The following SCCPDH variants were observed in gnomAD, a reference collection of about 807,000 sequenced individuals.
SCCPDH encodes saccharopine dehydrogenase-like oxidoreductase.
In SCCPDH, 34 loss-of-function variants were observed where a neutral mutation model predicts 51.5. The observed-to-expected ratio is 0.66, with a 90% confidence interval of 0.50 to 0.88. The LOEUF (loss-of-function observed/expected upper bound fraction) is 0.88. SCCPDH is among the 40% of genes least tolerant of loss of function. SCCPDH has a pLI of 0.00. For missense variants in SCCPDH, 464 were observed against 527.1 expected, an observed-to-expected ratio of 0.88 and a Z score of 1.17; for synonymous variants, 187 against 191.3, an observed-to-expected ratio of 0.98 and a Z score of 0.19.
intron 4 of SCCPDH, among the ~76,000 whole-genome samples, chr1:246,741,900 C>G (rs1007586054): frequency 6.6e-6 from 1 of 152,064 alleles, no homozygotes; most frequent in African/African-American, 2.4e-5. Context: ...AACCTTGTCT[C>G]TACTAAAAAT....
chr1:246,762,018 G>A (rs761565010), intron 9 of SCCPDH, among the ~76,000 whole-genome samples: 7 of 152,178 alleles, frequency 4.6e-5, no homozygotes, highest in Admixed American at 2.0e-4. Context: ...AGCAGTATAC[G>A]AGAGTTCCAG....
At chr1:246,747,197 C>G (rs779818321) in intron 5 of SCCPDH, among the ~76,000 whole-genome samples, 2 of 152,066 alleles carry the variant, frequency 1.3e-5, no homozygotes, top group African/African-American at 2.4e-5. Flanking sequence ...TATGTAGGCT[C>G]CGGACAGAGC....
intron 3 of SCCPDH, among the ~76,000 whole-genome samples, chr1:246,737,116 T>G (rs1321675947): frequency 6.6e-6 from 1 of 152,044 alleles, no homozygotes; most frequent in East Asian, 1.9e-4. Context: ...CTGATTATCA[T>G]CATCAGCATG....
At chr1:246,757,095 G>C (rs1248143811) in intron 5 of SCCPDH, among the ~76,000 whole-genome samples, 1 of 152,208 alleles carries the variant, frequency 6.6e-6, no homozygotes. Context: ...TGCAATCCCA[G>C]CACTTTGGGA....
In SCCPDH at chr1:246,727,698, A is replaced by C. The variant is rs1345749093; in HGVS notation, c.303+694A>C. The stretch of plus-strand genomic sequence containing the variant: ...TCTGAATGAAATGAGAGCAAATTGC[A>C]TGAACCTTTTGAGGAGAGACTTTTC... On this transcript the variant is annotated intron_variant, in intron 2 of 11. Coordinates refer to ENST00000366510, the MANE Select transcript of SCCPDH (RefSeq NM_016002.3). 3.3e-5 allele frequency among the ~76,000 whole-genome samples: 5 copies of C among 152,324 alleles called. No homozygotes were observed. The East Asian group carries it at 9.6e-4, about 29-fold the overall frequency.
In SCCPDH at chr1:246,758,277, G is replaced by T; in HGVS notation, c.616G>T (p.Asp206Tyr). ...GAAGTCAGCAATTTATGGTTTTGGAGATCAGAGTAATTTGAGAAAACTAAG... is the reference window on the plus strand; with the variant it reads ...GAAGTCAGCAATTTATGGTTTTGGATATCAGAGTAATTTGAGAAAACTAAG... ...TWKSAIYGFG[D>Y]QSNLRKLRNV... Residue 206 changes from aspartate (D) to tyrosine (Y), a missense_variant, in exon 6 of 12, where the codon GAT becomes TAT. Coordinates refer to ENST00000366510, the MANE Select transcript of SCCPDH (RefSeq NM_016002.3). 1 of 1,609,812 alleles carries T rather than the reference G, an allele frequency of 6.2e-7. No homozygotes were observed. Among genetic ancestry groups the T allele is most frequent in the Non-Finnish European group, 8.5e-7 (1 of 1,177,648 alleles).
Position 246,761,928 on chromosome 1 carries a change from G to A in SCCPDH, c.990+1701G>A, listed in dbSNP as rs74152240. 6.9e-3 allele frequency among the ~76,000 whole-genome samples: 1,055 copies of A among 152,294 alleles called. 16 individuals are homozygous for A. The highest frequency in any genetic ancestry group is 0.024 in the African/African-American group (984 of 41,540). On this transcript the variant is annotated intron_variant, in intron 9 of 11. Transcript: ENST00000366510. ...ATACTCAGAAATGGAATGCTAGACC[G>A]TATGTGAATTGTATATTTAACTTCT...
At chr1:246,756,046 A>C (rs1324430865) in intron 5 of SCCPDH, among the ~76,000 whole-genome samples, 1 of 152,222 alleles carries the variant, frequency 6.6e-6, no homozygotes, top group African/African-American at 2.4e-5. Flanking sequence ...ACAAAAAGAC[A>C]AAGAGGCATT....
In SCCPDH at chr1:246,754,293, G is replaced by A. The variant is rs188138767; in HGVS notation, c.565-3933G>A. 1.2e-3 allele frequency among the ~76,000 whole-genome samples: 185 copies of A among 152,224 alleles called. 3 individuals are homozygous for A. Among genetic ancestry groups the A allele is most frequent in the Admixed American group, 0.011 (173 of 15,284 alleles). On this transcript the variant is annotated intron_variant, in intron 5 of 11. Transcript: ENST00000366510. ...TTTCTTTCTGCATTGCTGAGAGTCC[G>A]GGTTTATTTGTCACACCCGGTGGGT...
At chr1:246,745,167 TAAGACATTGACGTTGGGAAC>T (rs1668738690) in intron 5 of SCCPDH, among the ~76,000 whole-genome samples, 5 of 151,618 alleles carry the variant, frequency 3.3e-5, no homozygotes, top group African/African-American at 9.6e-5. Flanking sequence ...TTTGGGAACG[TAAGACATTGACGTTGGGAAC>T]GTAAGACATT....
At chr1:246,748,896 C>T (rs1366757663) in intron 5 of SCCPDH, among the ~76,000 whole-genome samples, 2 of 152,200 alleles carry the variant, frequency 1.3e-5, no homozygotes. Flanking sequence ...TACCACCACG[C>T]ACCTGCTCGA....
intron 9 of SCCPDH, among the ~76,000 whole-genome samples, chr1:246,761,047 C>T (rs891458327): frequency 6.6e-5 from 10 of 152,114 alleles, no homozygotes; most frequent in Non-Finnish European, 2.9e-5. Context: ...CCCATCCTGA[C>T]CTTCTTTCCT....
intron 5 of SCCPDH, among the ~76,000 whole-genome samples, chr1:246,756,031 C>T (rs928623114): frequency 2.0e-5 from 3 of 152,120 alleles, no homozygotes; most frequent in African/African-American, 7.2e-5. Context: ...TTGGGAATGG[C>T]TTTTACAAAA....
At chr1:246,760,872 G>A (rs142667448) in intron 9 of SCCPDH, among the ~76,000 whole-genome samples, 18 of 152,154 alleles carry the variant, frequency 1.2e-4, no homozygotes, top group East Asian at 3.9e-4. Flanking sequence ...TTTCCTTTTC[G>A]TTAGTCTTGC....
At chr1:246,765,340 C>T (rs974186248) in intron 10 of SCCPDH, among the ~76,000 whole-genome samples, 1 of 152,220 alleles carries the variant, frequency 6.6e-6, no homozygotes, top group Non-Finnish European at 1.5e-5. Flanking sequence ...CCTCCTGCCT[C>T]AGCCTTCTAA....
chr1:246,748,699 C>A (rs1220375750), intron 5 of SCCPDH, among the ~76,000 whole-genome samples: 1 of 152,172 alleles, frequency 6.6e-6, no homozygotes, highest in Non-Finnish European at 1.5e-5. Context: ...TCATCTGGTT[C>A]TCCTCATGGA....
In SCCPDH at chr1:246,732,527, A is replaced by G. The variant is rs564841843; in HGVS notation, c.304-3448A>G. 2.0e-5 allele frequency among the ~76,000 whole-genome samples: 3 copies of G among 152,204 alleles called. No individual in the cohort carries two copies. The South Asian group carries it at 6.2e-4, about 32-fold the overall frequency. On this transcript the variant is annotated intron_variant, in intron 2 of 11. Coordinates refer to ENST00000366510, the MANE Select transcript of SCCPDH (RefSeq NM_016002.3). ...CTCAGCCTCCTGAGTAGCTGGAACT[A>G]CAGGCTCATGCCGCCACACCTAGCT...
intron 4 of SCCPDH, among the ~76,000 whole-genome samples, chr1:246,743,355 T>C (rs1405429544): frequency 6.6e-6 from 1 of 151,234 alleles, no homozygotes; most frequent in Non-Finnish European, 1.5e-5. Context: ...GAAGCCGAGG[T>C]GGGCAGATCA....
chr1:246,732,208 G>A (rs937234658), intron 2 of SCCPDH, among the ~76,000 whole-genome samples: 1 of 152,160 alleles, frequency 6.6e-6, no homozygotes, highest in Non-Finnish European at 1.5e-5. Context: ...ATTTGGAGAT[G>A]GGGCTAGCTG....
Sources: gnomAD v4.1 joint callset for allele counts (sites outside exome capture counted in the v4.1 genomes callset) on GRCh38, gnomAD v4.1.1 for gene constraint, MANE v1.5 for transcripts, NCBI Gene and HGNC (gene_info 2026-07-23, HGNC 2026-07-21) for gene names.